UBE2L3: variants seen among roughly 807,000 people sequenced by gnomAD.
The protein encoded by UBE2L3 is ubiquitin conjugating enzyme E2 L3, also known as ubiquitin-conjugating enzyme E2 L3.
A neutral mutation model predicts 17.8 loss-of-function variants in UBE2L3; 1 was observed. That is an observed-to-expected ratio of 0.06 (90% confidence interval 0.02 to 0.27). The LOEUF (loss-of-function observed/expected upper bound fraction) is 0.27, where lower values mean the gene tolerates loss of function less well. Ranked by LOEUF, UBE2L3 falls within the 10% of genes least tolerant of loss-of-function variation. The probability of loss-of-function intolerance (pLI) is 1.00; values close to 1 mark genes in which losing one functional copy is unlikely to be tolerated. For missense variants in UBE2L3, 40 were observed against 192.6 expected, an observed-to-expected ratio of 0.21 and a Z score of 4.69; for synonymous variants, 44 against 68.5, an observed-to-expected ratio of 0.64 and a Z score of 1.76.
intron 2 of UBE2L3, among the ~76,000 whole-genome samples, chr22:21,599,182 T>A (rs1239069784): frequency 6.6e-6 from 1 of 152,018 alleles, no homozygotes; most frequent in Admixed American, 6.6e-5. Context: ...GATGCCTCAT[T>A]CCTCCTTTCT....
At chr22:21,609,485 T>A (rs992829426) in intron 2 of UBE2L3, among the ~76,000 whole-genome samples, 3 of 151,920 alleles carry the variant, frequency 2.0e-5, no homozygotes, top group Non-Finnish European at 4.4e-5. Context: ...GACAGGCAGA[T>A]CTCTTGAGCC....
At chr22:21,575,412 TA>T (rs547379857) in intron 1 of UBE2L3, among the ~76,000 whole-genome samples, 103 of 101,742 alleles carry the variant, frequency 1.0e-3, no homozygotes, top group Non-Finnish European at 1.3e-3. Flanking sequence ...CCATCTCTAC[TA>T]AAAAAAAAAA....
chr22:21,558,048 C>T (rs367826), intron 1 of UBE2L3, among the ~76,000 whole-genome samples: 107,308 of 146,092 alleles, frequency 0.73, 36,606 homozygotes, highest in Non-Finnish European at 0.82. Flanking sequence ...GGCTCCACAT[C>T]GCCAGCTCTG....
At chr22:21,609,574 G>A (rs1929365220) in intron 2 of UBE2L3, among the ~76,000 whole-genome samples, 1 of 152,044 alleles carries the variant, frequency 6.6e-6, no homozygotes, top group African/African-American at 2.4e-5. Context: ...TGGGGGTGGT[G>A]GTGCCTATCT....
At chr22:21,610,729 AG>A in intron 2 of UBE2L3, 127 bp from the exon 3 acceptor site, 1 of 1,062,674 alleles carries the variant, frequency 9.4e-7, no homozygotes, top group South Asian at 2.1e-5. Context: ...TGAAGGTGGC[AG>A]GGCTTCAGTT....
In UBE2L3 at chr22:21,621,712, G is replaced by A. The variant is rs936520964; in HGVS notation, c.*43G>A. ...TCCAGCAAGTGTGAGCAGAGACCCC[G>A]TGCAGTGCATTCAGACACCCCGCAA... On this transcript the variant is annotated 3_prime_UTR_variant, in exon 4 of 4. Transcript: ENST00000342192. The A allele has an allele frequency of 8.9e-6, 13 of 1,461,036 alleles. No homozygotes were observed. The highest frequency in any genetic ancestry group is 3.5e-5 in the South Asian group (3 of 84,780). The allele number at this position is 1,461,036 out of a possible 1,614,324, so 90.5% of individuals were successfully genotyped here.
At chr22:21,607,282 A>G (rs1208341120) in intron 2 of UBE2L3, among the ~76,000 whole-genome samples, 1 of 151,868 alleles carries the variant, frequency 6.6e-6, no homozygotes, top group Non-Finnish European at 1.5e-5. Context: ...CGAGGCCGGC[A>G]GTTCACCTGA....
chr22:21,566,772 G>A (rs373414241), upstream of UBE2L3, among the ~76,000 whole-genome samples: 3 of 151,616 alleles, frequency 2.0e-5, no homozygotes, highest in African/African-American at 7.3e-5. Context: ...CATGGTCTTC[G>A]CCAGTGCTGC....
At chr22:21,568,140 C>G (rs1021871816) in intron 1 of UBE2L3, 4 of 1,031,958 alleles carry the variant, frequency 3.9e-6, no homozygotes, top group South Asian at 8.8e-5. Flanking sequence ...GGGGAAGGCC[C>G]GAGCGCCGGA....
chr22:21,604,367 C>T (rs1929037661), intron 2 of UBE2L3, among the ~76,000 whole-genome samples: 1 of 152,048 alleles, frequency 6.6e-6, no homozygotes, highest in Admixed American at 6.6e-5. Context: ...GACGTGGCAG[C>T]CTGCGCCTGT....
chr22:21,595,730 C>A (rs1568980355), intron 2 of UBE2L3, among the ~76,000 whole-genome samples: 2 of 152,280 alleles, frequency 1.3e-5, no homozygotes, highest in African/African-American at 4.8e-5. Context: ...ATAATCACAT[C>A]ATCAAGAAAT....
At chr22:21,607,446 C>T (rs1929236713) in intron 2 of UBE2L3, among the ~76,000 whole-genome samples, 1 of 147,078 alleles carries the variant, frequency 6.8e-6, no homozygotes, top group Non-Finnish European at 1.5e-5. Flanking sequence ...ACCAGGGAGG[C>T]AGAGGTTGCA....
intron 1 of UBE2L3, among the ~76,000 whole-genome samples, chr22:21,570,106 T>C (rs1233072628): frequency 2.0e-5 from 3 of 152,222 alleles, no homozygotes; most frequent in African/African-American, 7.2e-5. Context: ...GCTTTCTTTA[T>C]ATTTCTCTTT....
chr22:21,567,162 C>A (rs1390452278), upstream of UBE2L3, among the ~76,000 whole-genome samples: 1 of 151,722 alleles, frequency 6.6e-6, no homozygotes, highest in Admixed American at 6.6e-5. Flanking sequence ...CTTGGTTATT[C>A]AACTTTTTTT....
intron 3 of UBE2L3, among the ~76,000 whole-genome samples, chr22:21,621,186 CA>C (rs1318661722): frequency 1.3e-5 from 2 of 152,046 alleles, no homozygotes; most frequent in African/African-American, 4.8e-5. Flanking sequence ...AACCCCCCGC[CA>C]AGAAAAAAGG....
chr22:21,580,205 A>G (rs1927546276), intron 1 of UBE2L3, among the ~76,000 whole-genome samples: 1 of 152,130 alleles, frequency 6.6e-6, no homozygotes, highest in South Asian at 2.1e-4. Flanking sequence ...AAAAAGAGCA[A>G]TTTCAGTGCA....
At chr22:21,613,106 C>T (rs453343) in intron 3 of UBE2L3, among the ~76,000 whole-genome samples, 2,819 of 152,290 alleles carry the variant, frequency 0.019, 50 homozygotes, top group Middle Eastern at 0.1. Flanking sequence ...AGCCCTGCAC[C>T]TCAGGTTCTG....
chr22:21,615,919 C>T (rs1054382281), intron 3 of UBE2L3, among the ~76,000 whole-genome samples: 6 of 152,148 alleles, frequency 3.9e-5, no homozygotes, highest in Non-Finnish European at 8.8e-5. Context: ...TTTGCTTTGG[C>T]CCCAAACGTG....
intron 1 of UBE2L3, among the ~76,000 whole-genome samples, chr22:21,577,706 G>A (rs1200547200): frequency 6.6e-6 from 1 of 152,196 alleles, no homozygotes; most frequent in Non-Finnish European, 1.5e-5. Flanking sequence ...CAGATTCGGT[G>A]GCTGTTTGGG....
Sources: allele counts gnomAD v4.1 joint callset (sites outside exome capture counted in the v4.1 genomes callset), GRCh38; gene constraint gnomAD v4.1.1; transcripts MANE v1.5; gene names NCBI Gene and HGNC (gene_info 2026-07-23, HGNC 2026-07-21).